MTMR9: variants seen among roughly 807,000 people sequenced by gnomAD.
MTMR9 encodes the protein myotubularin-related protein 9.
In MTMR9, 39 loss-of-function variants were observed where a neutral mutation model predicts 69.5. The ratio of observed to expected loss-of-function variants is 0.56; its 90% CI spans 0.43 to 0.73. The LOEUF is 0.73. MTMR9 is among the 30% of genes least tolerant of loss of function. The probability of loss-of-function intolerance (pLI) is 0.00; values close to 1 mark genes in which losing one functional copy is unlikely to be tolerated. For missense variants in MTMR9, 900 were observed against 671.2 expected, an observed-to-expected ratio of 1.34 and a Z score of -3.77; for synonymous variants, 354 against 240.8, an observed-to-expected ratio of 1.47 and a Z score of -4.35.
intron 6 of MTMR9, among the ~76,000 whole-genome samples, chr8:11,311,953 C>G (rs1038630712): frequency 1.3e-5 from 2 of 150,632 alleles, no homozygotes; most frequent in African/African-American, 4.9e-5. Context: ...TCTCAGGATA[C>G]TACTTTTCTT....
intron 4 of MTMR9, among the ~76,000 whole-genome samples, chr8:11,305,884 G>C (rs1198908929): frequency 6.6e-6 from 1 of 152,108 alleles, no homozygotes; most frequent in Non-Finnish European, 1.5e-5. Context: ...TTTATTACAG[G>C]TCCAGGTCTA....
At chr8:11,328,482 A>G (rs573454551), downstream of MTMR9, among the ~76,000 whole-genome samples, 5 of 152,156 alleles carry the variant, frequency 3.3e-5, no homozygotes, top group Non-Finnish European at 7.3e-5. Context: ...TGTATTCTAC[A>G]TATTATTGAT....
intron 1 of MTMR9, among the ~76,000 whole-genome samples, chr8:11,287,379 G>C (rs1358490086): frequency 6.6e-6 from 1 of 152,068 alleles, no homozygotes; most frequent in Non-Finnish European, 1.5e-5. Flanking sequence ...TGTAGTACAT[G>C]AAGAAGAAGC....
Position 11,295,231 on chromosome 8 carries a change from A to G in MTMR9, c.220A>G (p.Lys74Glu). ...ACTGGGTACCATCATCATAAAATGT[A>G]AAGATTTTCGAATTATTCAGTTGGA... ...GSLGTIIIKCKDFRIIQLDIP... is the reference protein window; with the variant it reads ...GSLGTIIIKCEDFRIIQLDIP... Residue 74 changes from lysine (K) to glutamate (E), a missense_variant, in exon 2 of 10, where the codon AAA (lysine) becomes GAA (glutamate). Coordinates refer to ENST00000221086, the MANE Select transcript of MTMR9 (RefSeq NM_015458.4). The G allele has an allele frequency of 1.2e-6, 2 of 1,611,334 alleles. No homozygotes were observed. The highest frequency in any genetic ancestry group is 1.7e-6 in the Non-Finnish European group (2 of 1,178,002).
At chr8:11,334,067 C>T in the MTMR9 span, among the ~76,000 whole-genome samples, 4 of 152,190 alleles carry the variant, frequency 2.6e-5, no homozygotes, top group Non-Finnish European at 4.4e-5. Flanking sequence ...CACCTTTTGC[C>T]ATGGGATGAG....
chr8:11,287,854 T>A (rs1799227687), intron 1 of MTMR9, among the ~76,000 whole-genome samples: 1 of 117,436 alleles, frequency 8.5e-6, no homozygotes, highest in South Asian at 2.3e-4. Flanking sequence ...TTATTATATA[T>A]GTTATATATT....
chr8:11,321,102 C>G lies in MTMR9; in HGVS notation c.1486+1264C>G, dbSNP rs73665049. ...TGGATGTCAGCTGTCACATCTAGTT[C>G]CTCTTGGCTTATCTGCCATTAGTGG... On this transcript the variant is annotated intron_variant, in intron 9 of 9. Coordinates refer to ENST00000221086, the MANE Select transcript of MTMR9 (RefSeq NM_015458.4). 4.6e-3 allele frequency: 810 copies of G among 174,594 alleles called. 6 individuals are homozygous for G. Among genetic ancestry groups the G allele is most frequent in the African/African-American group, 0.018 (768 of 42,276 alleles). The allele number at this position is 174,594 out of a possible 1,614,324, so 10.8% of individuals were successfully genotyped here.
Position 11,295,491 on chromosome 8 carries a change from C to G in MTMR9, c.291+189C>G, listed in dbSNP as rs553464476. ...GAACTTTCTTGACTTCCAGCAGTGT[C>G]TGGTGTTACTCACGTTATATGAGTA... On this transcript the variant is annotated intron_variant, in intron 2 of 9. Transcript: ENST00000221086. Among the ~76,000 whole-genome samples the G allele has an allele frequency of 2.9e-3, 371 of 128,576 alleles. 1 individual carries two copies. The highest frequency in any genetic ancestry group is 8.9e-3 in the African/African-American group (356 of 39,782). 84.4% of individuals were successfully genotyped at this position (128,576 alleles called of 152,430 possible).
chr8:11,314,174 G>A (rs796461856), intron 6 of MTMR9, among the ~76,000 whole-genome samples: 6 of 152,308 alleles, frequency 3.9e-5, no homozygotes, highest in African/African-American at 1.4e-4. Flanking sequence ...CGAAGCTTTT[G>A]TGTGAAGTTG....
intron 3 of MTMR9, among the ~76,000 whole-genome samples, chr8:11,302,352 G>A (rs564839029): frequency 1.4e-5 from 2 of 142,378 alleles, no homozygotes; most frequent in Non-Finnish European, 3.0e-5. Flanking sequence ...TAATTCTCCA[G>A]AATCAGTAGA....
Position 11,322,614 on chromosome 8 carries a change from G to A in MTMR9, c.1487-11G>A. 1 of 1,611,374 alleles carries A rather than the reference G, an allele frequency of 6.2e-7. No homozygotes were observed. The highest frequency in any genetic ancestry group is 8.5e-7 in the Non-Finnish European group (1 of 1,178,592). On this transcript the variant is annotated splice_polypyrimidine_tract_variant and intron_variant, in intron 9 of 9. Coordinates refer to ENST00000221086, the MANE Select transcript of MTMR9 (RefSeq NM_015458.4). ...TTTCTTGCTTCTGTTTTCCATTCCT[G>A]GATTCAATAGGTATTTTCCTACGTT...
intron 9 of MTMR9, among the ~76,000 whole-genome samples, chr8:11,322,076 G>C (rs1170705621): frequency 6.6e-6 from 1 of 152,098 alleles, no homozygotes; most frequent in African/African-American, 2.4e-5. Flanking sequence ...AGAAGAAATT[G>C]CCTGCAGAAT....
intron 7 of MTMR9, 90 bp downstream of exon 7, chr8:11,315,154 G>A (rs1427650334): frequency 5.4e-6 from 8 of 1,480,506 alleles, no homozygotes; most frequent in African/African-American, 1.4e-5. Context: ...GTGAAATTTC[G>A]ATTGATTAAA....
chr8:11,319,648 AAATT>A (rs1273355823), intron 8 of MTMR9, 35 bp from the exon 9 acceptor site: 6 of 1,606,946 alleles, frequency 3.7e-6, no homozygotes, highest in African/African-American at 1.3e-5. Flanking sequence ...TGGTTGTTAT[AAATT>A]AATTACTTTA....
At chr8:11,315,434 A>G (rs773000681) in intron 7 of MTMR9, among the ~76,000 whole-genome samples, 2 of 152,188 alleles carry the variant, frequency 1.3e-5, no homozygotes, top group Non-Finnish European at 2.9e-5. Context: ...TAACCCTTTC[A>G]AAGCCTTTTG....
chr8:11,330,696 G>GTTTGT (rs1420833214), downstream of MTMR9, among the ~76,000 whole-genome samples: 1 of 152,124 alleles, frequency 6.6e-6, no homozygotes, highest in Non-Finnish European at 1.5e-5. Flanking sequence ...GATGTGCTTT[G>GTTTGT]TTAAACAGAT....
At chr8:11,316,938 T>A (rs1291134066) in intron 8 of MTMR9, 45 bp downstream of exon 8, 2 of 1,361,626 alleles carry the variant, frequency 1.5e-6, no homozygotes, top group Non-Finnish European at 2.0e-6. Context: ...TCCGTTGTTT[T>A]GGCTACTTCC....
chr8:11,316,535 C>T, intron 7 of MTMR9, 138 bp from the exon 8 acceptor site: 1 of 491,028 alleles, frequency 2.0e-6, no homozygotes, highest in Non-Finnish European at 3.5e-6. Flanking sequence ...AATCATTAAT[C>T]TGTACAACAG....
chr8:11,285,304 A>G (rs1270029717), intron 1 of MTMR9: 1 of 434,152 alleles, frequency 2.3e-6, no homozygotes, highest in Non-Finnish European at 4.1e-6. Context: ...TACCATCCTG[A>G]TGATCATTTC....
Sources: allele counts gnomAD v4.1 joint callset (sites outside exome capture counted in the v4.1 genomes callset), GRCh38; gene constraint gnomAD v4.1.1; transcripts MANE v1.5; gene names NCBI Gene and HGNC (gene_info 2026-07-23, HGNC 2026-07-21).